Variants in OPLAH observed in about 807,000 individuals in gnomAD.
OPLAH encodes the protein 5-oxoprolinase.
OPLAH carries 103 observed loss-of-function variants against 122.8 expected under a neutral mutation model. The observed-to-expected ratio is 0.84, with a 90% CI of 0.71 to 0.99. The LOEUF (loss-of-function observed/expected upper bound fraction) is 0.99. Ranked by LOEUF, OPLAH falls within the 50% of genes least tolerant of loss-of-function variation. The pLI is 0.00. For synonymous variants in OPLAH, 875 were observed against 796.0 expected (o/e 1.10, Z -1.67); for missense variants, 1,902 against 1,836.5 (o/e 1.04, Z -0.65).
chr8:144,056,117 A>G, intron 15 of OPLAH, 30 bp downstream of exon 15: 2 of 1,587,468 alleles, frequency 1.3e-6, no homozygotes, highest in Non-Finnish European at 1.7e-6. Flanking sequence ...ACCCGTCCAC[A>G]TCCTCCACCC....
At position 144,060,043 on chromosome 8, in the gene OPLAH, C is replaced by A; in HGVS notation, c.-11G>T. Reference sequence around the variant, plus strand: ...CTCGGGGCTGCCCATGGTGGTGGGGCTGGAGTCCCACAGGAGCTCTTCAGC... The same window carrying A: ...CTCGGGGCTGCCCATGGTGGTGGGGATGGAGTCCCACAGGAGCTCTTCAGC... On this transcript the variant is annotated 5_prime_UTR_variant, in exon 2 of 27. Transcript: ENST00000618853. The A allele has an allele frequency of 6.2e-7, 1 of 1,609,330 alleles. No individual in the cohort carries two copies. The highest frequency in any genetic ancestry group is 1.7e-5 in the Admixed American group (1 of 59,486).
At chr8:144,060,241 G>A (rs1166031810) in intron 1 of OPLAH, among the ~76,000 whole-genome samples, 156 bp from the exon 2 acceptor site, 1 of 152,244 alleles carries the variant, frequency 6.6e-6, no homozygotes, top group Non-Finnish European at 1.5e-5. Context: ...GCCTGGGCCC[G>A]AGCGAGAGCC....
downstream of OPLAH, chr8:144,051,168 G>C (rs1249371379): frequency 7.0e-7 from 1 of 1,435,446 alleles, no homozygotes; most frequent in Non-Finnish European, 9.1e-7. Flanking sequence ...GGACCACCGG[G>C]CAGTGCGCCT....
intron 23 of OPLAH, 32 bp downstream of exon 23, chr8:144,052,417 G>C: frequency 6.6e-7 from 1 of 1,523,608 alleles, no homozygotes; most frequent in Non-Finnish European, 8.8e-7. Context: ...CACCCAGTCC[G>C]CCCCCGAGCT....
chr8:144,055,277 A>C lies in OPLAH; in HGVS notation c.2249-88T>G. The C allele has an allele frequency of 1.8e-5, 24 of 1,363,960 alleles. No homozygotes were observed. The highest frequency in any genetic ancestry group is 3.0e-5 in the Admixed American group (1 of 33,804). The allele number at this position is 1,363,960 out of a possible 1,614,324, so 84.5% of individuals were successfully genotyped here. On this transcript the variant is annotated intron_variant, in intron 16 of 26. Transcript: ENST00000618853. This position sits in a 1 kb window ranked among gnomAD's most constrained non-coding sequence, Gnocchi z 6.5. ...GGAGGAACAGGACCCACCAGGACTCAAACCCAGGACCCAGGAAAAACCCAG... is the reference window on the plus strand; with the variant it reads ...GGAGGAACAGGACCCACCAGGACTCCAACCCAGGACCCAGGAAAAACCCAG...
rs1835461577 is a variant in OPLAH, at chr8:144,054,591, G to C, written c.2656C>G (p.Leu886Val). 6.2e-7 allele frequency: 1 copy of C among 1,601,580 alleles called. No individual in the cohort carries two copies. ...TCCTGGAAGACGCCCCCCTGGACAA[G>C]TTTGAAGGACAGAAAGACGGCACCC... ...QEGAVFLSFK[L>V]VQGGVFQEEA... The change falls in exon 19 of 27, where the codon CTT becomes GTT. Residue 886 changes from leucine to valine, a missense_variant. Around this residue, in one of 3 missense-constraint regions of OPLAH, gnomAD observed 1,726 missense variants for 1,642.1 expected, o/e 1.05. Transcript: ENST00000618853.
rs1554760385 is a variant in OPLAH, at chr8:144,059,653, G to A, written c.309C>T (p.Gly103=). 4 of 1,612,570 alleles carry A rather than the reference G, an allele frequency of 2.5e-6. No homozygotes were observed. Among genetic ancestry groups the A allele is most frequent in the Non-Finnish European group, 2.5e-6 (3 of 1,179,732 alleles). Residue 103 remains glycine (G), a synonymous_variant, in exon 3 of 27, where the codon GGC becomes GGT. Transcript: ENST00000618853. ...GERVALLVTR[G]FRDLLHIGTQ... ...TGCCAATGTGCAGCAGGTCTCGGAA[G>A]CCACGTGTCACCAGCAGCGCCACCC...
In OPLAH at chr8:144,056,711, C is replaced by T; in HGVS notation, c.1751G>A (p.Gly584Asp). The T allele has an allele frequency of 6.2e-7, 1 of 1,611,262 alleles. No individual in the cohort carries two copies. The highest frequency in any genetic ancestry group is 1.1e-5 in the South Asian group (1 of 90,904). The change falls in exon 13 of 27, where the codon GGC becomes GAC. Residue 584 changes from glycine to aspartate, a missense_variant. Physicochemically the swap from Gly to Asp is moderately conservative, Grantham distance 94. Transcript: ENST00000618853. ...AGACACCATCAGAGCACAGTCCGTG[C>T]CCTGGTAGCGCAGGTGCAGGAAGCT... ...TESFLHLRYQ[G>D]TDCALMVSAH...
chr8:144,059,183 G>T (rs1644901872), intron 3 of OPLAH, 104 bp from the exon 4 acceptor site: 1 of 943,778 alleles, frequency 1.1e-6, no homozygotes, highest in East Asian at 2.6e-5. Flanking sequence ...CAACAGGCCG[G>T]TCGGCAGGCC....
chr8:144,057,685 A>G lies in OPLAH; in HGVS notation c.1185T>C (p.Asn395=). The G allele has an allele frequency of 6.2e-7, 1 of 1,609,268 alleles. No individual in the cohort carries two copies. The highest frequency in any genetic ancestry group is 2.2e-5 in the East Asian group (1 of 44,786). The change falls in exon 10 of 27, where the codon AAT becomes AAC. Residue 395 remains asparagine (N), a synonymous_variant. Coordinates refer to ENST00000618853, the MANE Select transcript of OPLAH (RefSeq NM_017570.5). ...CAGGCAGCAGGCGACCCAGGACCAG[A>G]TTAGCATCCGTCACTGTCACAGGGC... ...KGGPVTVTDA[N]LVLGRLLPAS...
Position 144,060,681 on chromosome 8 carries a change from G to C in OPLAH, c.-82C>G, listed in dbSNP as rs938613200. The C allele has an allele frequency of 1.3e-5, 2 of 152,060 alleles. No homozygotes were observed. The highest frequency in any genetic ancestry group is 1.3e-4 in the Admixed American group (2 of 15,262). The allele number at this position is 152,060 out of a possible 1,614,324, so 9.4% of individuals were successfully genotyped here. On this transcript the variant is annotated 5_prime_UTR_variant, in exon 1 of 27. Coordinates refer to ENST00000618853, the MANE Select transcript of OPLAH (RefSeq NM_017570.5). ...GCGCTCGGCTCCGGCTCGGTCGCTC[G>C]CGGTCGGCTCTGCCTGCGCTCCCGG...
In OPLAH at chr8:144,055,055, C is replaced by T. The variant is rs1554758664; in HGVS notation, c.2383G>A (p.Ala795Thr). 6.5e-7 allele frequency: 1 copy of T among 1,533,090 alleles called. No homozygotes were observed. Among genetic ancestry groups the T allele is most frequent in the Admixed American group, 2.0e-5 (1 of 51,030 alleles). The allele number at this position is 1,533,090 out of a possible 1,614,324, so 95.0% of individuals were successfully genotyped here. A position where few individuals can be genotyped will look rare whatever the true frequency, so the allele number is the denominator to read the frequency against. Reference sequence around the variant, plus strand: ...TGGAACTGCACCGTCTCCTGCATGGCACCCAGGTGCACAGGGATGTGGGGG... The same window carrying T: ...TGGAACTGCACCGTCTCCTGCATGGTACCCAGGTGCACAGGGATGTGGGGG... ...NAPHIPVHLG[A>T]MQETVQFQIQ... Residue 795 changes from alanine to threonine, a missense_variant, in exon 17 of 27, where the codon GCC becomes ACC. Ala to Thr is a moderately conservative substitution (Grantham distance 58, BLOSUM62 0). Around this residue, in one of 3 missense-constraint regions of OPLAH, gnomAD observed 1,726 missense variants for 1,642.1 expected, o/e 1.05. Coordinates refer to ENST00000618853, the MANE Select transcript of OPLAH (RefSeq NM_017570.5). The surrounding 1 kb of genome is among the most constrained non-coding windows in gnomAD (Gnocchi z 6.5).
At position 144,055,965 on chromosome 8, in the gene OPLAH, TG is replaced by T; in HGVS notation, c.2097-27del. The T allele has an allele frequency of 6.5e-7, 1 of 1,540,380 alleles. No homozygotes were observed. Among genetic ancestry groups the T allele is most frequent in the South Asian group, 1.2e-5 (1 of 82,740 alleles). On this transcript the variant is annotated intron_variant, in intron 15 of 26. Coordinates refer to ENST00000618853, the MANE Select transcript of OPLAH (RefSeq NM_017570.5). The surrounding 1 kb of genome is among the most constrained non-coding windows in gnomAD (Gnocchi z 6.5). Reference sequence around the variant, plus strand: ...CTGGGGAGCAGAGGGCACAGAGGGCTGCATGGGGCCAGGCGACACCCCTCCA... The same window carrying T: ...CTGGGGAGCAGAGGGCACAGAGGGCTCATGGGGCCAGGCGACACCCCTCCA...
chr8:144,057,002 A>C lies in OPLAH; in HGVS notation c.1652T>G (p.Leu551Arg), dbSNP rs2129808075. ...PETFVQLDQRLSRLEEQCVDA... is the reference protein window; with the variant it reads ...PETFVQLDQRRSRLEEQCVDA... Reference sequence around the variant, plus strand: ...CACACACTGCTCCTCCAGGCGGCTCAGCCTCTGGTCCAGCTGCACGAAGGT... The same window carrying C: ...CACACACTGCTCCTCCAGGCGGCTCCGCCTCTGGTCCAGCTGCACGAAGGT... Residue 551 changes from leucine (L) to arginine (R), a missense_variant, in exon 12 of 27, where the codon CTG (leucine) becomes CGG (arginine). Transcript: ENST00000618853. 6.3e-7 allele frequency: 1 copy of C among 1,592,284 alleles called. No individual in the cohort carries two copies. The highest frequency in any genetic ancestry group is 1.7e-4 in the Middle Eastern group (1 of 6,046).
At position 144,052,342 on chromosome 8, in the gene OPLAH, G is replaced by C; in HGVS notation, c.3304-16C>G. On this transcript the variant is annotated splice_polypyrimidine_tract_variant and intron_variant, in intron 23 of 26. Transcript: ENST00000618853. The stretch of plus-strand genomic sequence containing the variant: ...TCATGCAGCCCTGGTGAGGGCACCT[G>C]GTCGCTGCGCTGGGCTGGGGCAGGG... 6.6e-7 allele frequency: 1 copy of C among 1,513,748 alleles called. No homozygotes were observed. Among genetic ancestry groups the C allele is most frequent in the Non-Finnish European group, 8.8e-7 (1 of 1,133,518 alleles). The allele number at this position is 1,513,748 out of a possible 1,614,324, so 93.8% of individuals were successfully genotyped here.
In OPLAH at chr8:144,060,042, G is replaced by A; in HGVS notation, c.-10C>T. On this transcript the variant is annotated 5_prime_UTR_variant, in exon 2 of 27. Coordinates refer to ENST00000618853, the MANE Select transcript of OPLAH (RefSeq NM_017570.5). Reference sequence around the variant, plus strand: ...CCTCGGGGCTGCCCATGGTGGTGGGGCTGGAGTCCCACAGGAGCTCTTCAG... The same window carrying A: ...CCTCGGGGCTGCCCATGGTGGTGGGACTGGAGTCCCACAGGAGCTCTTCAG... The A allele has an allele frequency of 1.2e-6, 2 of 1,609,512 alleles. No individual in the cohort carries two copies. Among genetic ancestry groups the A allele is most frequent in the Non-Finnish European group, 1.7e-6 (2 of 1,178,320 alleles).
chr8:144,055,743 C>T lies in OPLAH; in HGVS notation c.2248+45G>A. On this transcript the variant is annotated intron_variant, in intron 16 of 26. Coordinates refer to ENST00000618853, the MANE Select transcript of OPLAH (RefSeq NM_017570.5). The surrounding 1 kb of genome is among the most constrained non-coding windows in gnomAD (Gnocchi z 6.5). ...CAGCCCTGCCAGCTACCCCATGACA[C>T]AGCCGGCGCCTCATCCCACAGGGAG... 6.9e-7 allele frequency: 1 copy of T among 1,447,818 alleles called. No individual in the cohort carries two copies. Among genetic ancestry groups the T allele is most frequent in the Non-Finnish European group, 9.1e-7 (1 of 1,094,454 alleles). The allele number at this position is 1,447,818 out of a possible 1,614,324, so 89.7% of individuals were successfully genotyped here.
rs1441297816 is a variant in OPLAH at position 144,052,192 on chromosome 8, G to A, written c.3438C>T (p.Thr1146=). The stretch of plus-strand genomic sequence containing the variant: ...ACCGGCTCTCCAGGATCTCAGGGTC[G>A]GTGATGCGTGTGTTGGTCATGTGGC... ...VHSHMTNTRI[T]DPEILESRYP... The change falls in exon 24 of 27, where the codon ACC becomes ACT. Residue 1146 remains threonine, a synonymous_variant. Coordinates refer to ENST00000618853, the MANE Select transcript of OPLAH (RefSeq NM_017570.5). The A allele has an allele frequency of 9.5e-6, 15 of 1,578,938 alleles. No individual in the cohort carries two copies. The highest frequency in any genetic ancestry group is 1.3e-5 in the Non-Finnish European group (15 of 1,165,802).
In OPLAH at chr8:144,051,951, G is replaced by A; in HGVS notation, c.3587C>T (p.Thr1196Ile). The A allele has an allele frequency of 6.4e-7, 1 of 1,558,022 alleles. No homozygotes were observed. Among genetic ancestry groups the A allele is most frequent in the Non-Finnish European group, 8.6e-7 (1 of 1,160,568 alleles). The part of the protein sequence containing the change: ...FREEALLSVL[T>I]ERRAFRPYGL... ...GTATGGCCGGAAGGCGCGGCGCTCG[G>A]TCAGCACTGACAGCAGCGCCTCCTC... The change falls in exon 25 of 27, where the codon ACC becomes ATC. Residue 1196 changes from threonine to isoleucine, a missense_variant. Physicochemically the swap from Thr to Ile is moderately conservative, Grantham distance 89. Coordinates refer to ENST00000618853, the MANE Select transcript of OPLAH (RefSeq NM_017570.5).
Sources: gnomAD v4.1 joint callset for allele counts (sites outside exome capture counted in the v4.1 genomes callset) on GRCh38, gnomAD v4.1.1 for gene constraint, gnomAD v4.1.1 regional missense constraint, Gnocchi (gnomAD v3.1) non-coding constraint, MANE v1.5 for transcripts, NCBI Gene and HGNC (gene_info 2026-07-23, HGNC 2026-07-21) for gene names.